The following EPHA5 variants were observed in gnomAD, a reference collection of about 807,000 sequenced individuals.
The protein encoded by EPHA5 is ephrin type-A receptor 5.
EPHA5 carries 60 observed loss-of-function variants against 105.0 expected under a neutral mutation model. The ratio of observed to expected loss-of-function variants is 0.57; its 90% CI spans 0.46 to 0.71. The LOEUF is 0.71. Among genes scored for constraint, EPHA5 ranks in the 30% least tolerant of loss-of-function variants. The pLI is 0.00. For missense variants in EPHA5, 1,218 were observed against 1,274.7 expected (o/e 0.96, Z 0.68); for synonymous variants, 513 against 449.1 (o/e 1.14, Z -1.80).
chr4:65,636,134 A>T (rs1305225811), intron 2 of EPHA5, among the ~76,000 whole-genome samples: 2 of 152,172 alleles, frequency 1.3e-5, no homozygotes, highest in African/African-American at 4.8e-5. Flanking sequence ...GGTTTTGTTT[A>T]TCTTTTTCTA....
At chr4:65,403,487 G>A (rs1343715159) in intron 8 of EPHA5, among the ~76,000 whole-genome samples, 1 of 151,768 alleles carries the variant, frequency 6.6e-6, no homozygotes, top group Non-Finnish European at 1.5e-5. Context: ...TTTTCAAATG[G>A]ACAGCTCCCA....
chr4:65,348,975 C>T (rs951526871), intron 13 of EPHA5, among the ~76,000 whole-genome samples: 1 of 150,866 alleles, frequency 6.6e-6, no homozygotes, highest in Non-Finnish European at 1.5e-5. Context: ...GCTATCATGC[C>T]TGGCTAATTT....
chr4:65,409,106 C>T (rs1270073087), intron 7 of EPHA5, among the ~76,000 whole-genome samples: 16 of 138,410 alleles, frequency 1.2e-4, no homozygotes, highest in East Asian at 6.5e-4. Flanking sequence ...AACCAAACAC[C>T]GCATATTCTC....
At chr4:65,333,569 GT>G (rs1720882761) in intron 15 of EPHA5, among the ~76,000 whole-genome samples, 1 of 87,720 alleles carries the variant, frequency 1.1e-5, no homozygotes, top group Non-Finnish European at 2.5e-5. Flanking sequence ...GTGTGTGTGT[GT>G]GTGTGTGTGC....
intron 8 of EPHA5, among the ~76,000 whole-genome samples, chr4:65,371,480 C>G (rs968178781): frequency 7.9e-5 from 12 of 151,912 alleles, no homozygotes; most frequent in African/African-American, 2.9e-4. Context: ...AATTTGGTTG[C>G]AGTTATAATA....
chr4:65,490,333 G>A (rs2149211601), intron 5 of EPHA5, 44 bp downstream of exon 5: 1 of 1,555,984 alleles, frequency 6.4e-7, no homozygotes. Flanking sequence ...ATAATTGACA[G>A]AACTAGGCCT....
intron 3 of EPHA5, among the ~76,000 whole-genome samples, chr4:65,531,180 G>A (rs1260032277): frequency 6.6e-6 from 1 of 150,886 alleles, no homozygotes; most frequent in Non-Finnish European, 1.5e-5. Flanking sequence ...TGGGACTACA[G>A]GCGCCCGCCA....
chr4:65,526,341 T>C (rs1358168473), intron 3 of EPHA5, among the ~76,000 whole-genome samples: 1 of 151,854 alleles, frequency 6.6e-6, no homozygotes, highest in Non-Finnish European at 1.5e-5. Flanking sequence ...CTAGAATCCT[T>C]TTATGCTGGC....
chr4:65,670,332 A>C lies in EPHA5; in HGVS notation c.-590T>G, dbSNP rs78774773. The C allele has an allele frequency of 0.024, 5,650 of 233,694 alleles. 310 individuals carry two copies. Among genetic ancestry groups the C allele is most frequent in the African/African-American group, 0.11 (5,154 of 45,474 alleles). 14.5% of individuals were successfully genotyped at this position (233,694 alleles called of 1,614,324 possible). A position where few individuals can be genotyped will look rare whatever the true frequency, so the allele number is the denominator to read the frequency against. ...GAAATAGCTGCGGGCTGAGTGCTGA[A>C]GAGGGGAGGGACTGACGGCTGCCGG... On this transcript the variant is annotated 5_prime_UTR_variant, in exon 1 of 17. Coordinates refer to ENST00000613740, the MANE Select transcript of EPHA5 (RefSeq NM_001281766.3).
At position 65,452,371 on chromosome 4, in the gene EPHA5, C is replaced by A. The variant is rs191431722; in HGVS notation, c.1403-31806G>T. On this transcript the variant is annotated intron_variant, in intron 5 of 16. Coordinates refer to ENST00000613740, the MANE Select transcript of EPHA5 (RefSeq NM_001281766.3). ...GTGAAATAGATTAACACACCTATTC[C>A]TAACACAATTGAGAAGGTAATTCAT... Among the ~76,000 whole-genome samples, 175 of 152,080 alleles carry A rather than the reference C, an allele frequency of 1.2e-3. 1 individual carries two copies. Among genetic ancestry groups the A allele is most frequent in the Middle Eastern group, 3.4e-3 (1 of 292 alleles).
intron 3 of EPHA5, among the ~76,000 whole-genome samples, chr4:65,525,914 CG>C (rs1560648231): frequency 6.6e-6 from 1 of 151,724 alleles, no homozygotes; most frequent in Non-Finnish European, 1.5e-5. Flanking sequence ...CTGTCTCAGG[CG>C]CTGATTATAA....
intron 5 of EPHA5, among the ~76,000 whole-genome samples, chr4:65,475,735 T>G (rs2149173256): frequency 6.6e-6 from 1 of 152,178 alleles, no homozygotes; most frequent in Admixed American, 6.5e-5. Context: ...GCCACACGAA[T>G]GTTTGATGAA....
At chr4:65,563,690 G>T (rs1051701894) in intron 3 of EPHA5, among the ~76,000 whole-genome samples, 1 of 151,876 alleles carries the variant, frequency 6.6e-6, no homozygotes. Context: ...TAAAAAACTC[G>T]AAGCAAGCAC....
intron 8 of EPHA5, among the ~76,000 whole-genome samples, chr4:65,396,163 G>A (rs765506230): frequency 5.3e-5 from 8 of 152,220 alleles, no homozygotes; most frequent in Non-Finnish European, 1.0e-4. Context: ...TGATTTCAAA[G>A]CAAAGTTGAG....
At chr4:65,556,095 A>T (rs552623779) in intron 3 of EPHA5, among the ~76,000 whole-genome samples, 1 of 152,200 alleles carries the variant, frequency 6.6e-6, no homozygotes, top group African/African-American at 2.4e-5. Context: ...CATGAGAAAG[A>T]TCTATACCCT....
chr4:65,604,072 T>C (rs73824340), intron 2 of EPHA5, among the ~76,000 whole-genome samples: 1 of 3,720 alleles, frequency 2.7e-4, no homozygotes, highest in African/African-American at 4.3e-4. Flanking sequence ...CTCTTCTCTA[T>C]AAAAAGAAAA....
chr4:65,529,471 C>G (rs763924428), intron 3 of EPHA5, among the ~76,000 whole-genome samples: 2 of 151,592 alleles, frequency 1.3e-5, no homozygotes, highest in African/African-American at 2.4e-5. Flanking sequence ...CACACAAATA[C>G]AACATATTCA....
In EPHA5 at chr4:65,454,156, T is replaced by C. The variant is rs184883640; in HGVS notation, c.1403-33591A>G. Among the ~76,000 whole-genome samples, 316 of 152,214 alleles carry C rather than the reference T, an allele frequency of 2.1e-3. 3 individuals are homozygous for C. Among genetic ancestry groups the C allele is most frequent in the Non-Finnish European group, 8.8e-4 (60 of 68,008 alleles). ...TTAGCCGGGCATGGTGGCGCATGCC[T>C]GTAATCTCAGCTACTGTGAAGGCTG... On this transcript the variant is annotated intron_variant, in intron 5 of 16. Transcript: ENST00000613740.
At chr4:65,669,017 G>A (rs1750214807) in intron 1 of EPHA5, among the ~76,000 whole-genome samples, 1 of 151,838 alleles carries the variant, frequency 6.6e-6, no homozygotes, top group Admixed American at 6.6e-5. Context: ...CCCCAGAATA[G>A]CAGCTGGTGA....
Sources: allele counts gnomAD v4.1 joint callset (sites outside exome capture counted in the v4.1 genomes callset), GRCh38; gene constraint gnomAD v4.1.1; transcripts MANE v1.5; gene names NCBI Gene and HGNC (gene_info 2026-07-23, HGNC 2026-07-21).